The following ROCK1 variants were observed in gnomAD, a reference collection of about 807,000 sequenced individuals.
The protein encoded by ROCK1 is rho-associated protein kinase 1.
A neutral mutation model predicts 196.8 loss-of-function variants in ROCK1; 36 were observed. That is an observed-to-expected ratio of 0.18 (90% confidence interval 0.14 to 0.24). ROCK1 has a LOEUF of 0.24. Among genes scored for constraint, ROCK1 ranks in the 10% least tolerant of loss-of-function variants. ROCK1 has a pLI of 1.00. For missense variants in ROCK1, 920 were observed against 1,562.0 expected (o/e 0.59, Z 6.93); for synonymous variants, 443 against 515.9 (o/e 0.86, Z 1.91).
chr18:21,006,833 A>C (rs2035773054), intron 14 of ROCK1, 43 bp from the exon 15 acceptor site: 1 of 1,270,788 alleles, frequency 7.9e-7, no homozygotes, highest in East Asian at 2.4e-5. Context: ...CAACATTTTC[A>C]TAGGGGAAAC....
intron 11 of ROCK1, among the ~76,000 whole-genome samples, chr18:21,022,803 T>A (rs2035925049): frequency 6.6e-6 from 1 of 152,138 alleles, no homozygotes; most frequent in Non-Finnish European, 1.5e-5. Context: ...ATGTTAATCA[T>A]CCCTTCATTA....
At chr18:20,952,166 T>A (rs1402792555) in intron 32 of ROCK1, among the ~76,000 whole-genome samples, 8 of 152,152 alleles carry the variant, frequency 5.3e-5, no homozygotes, top group African/African-American at 1.7e-4. Context: ...GTGCATCACC[T>A]GAGGTCAGGA....
Position 20,967,830 on chromosome 18 carries a change from T to C in ROCK1, c.3114A>G (p.Gln1038=). The change falls in exon 26 of 33, where the codon CAA becomes CAG. Residue 1038 remains glutamine, a synonymous_variant. Transcript: ENST00000399799. ...TCTCTCTTTCTTGGTTGAGTTCCAG[T>C]TGCAGCTTTCGATTTTCCTTTTCTT... ...RKKEKENRKL[Q]LELNQEREKF... 3 of 1,611,246 alleles carry C rather than the reference T, an allele frequency of 1.9e-6. No individual in the cohort carries two copies. Among genetic ancestry groups the C allele is most frequent in the Non-Finnish European group, 2.5e-6 (3 of 1,178,934 alleles).
At chr18:20,970,077 ATAAC>A (rs2035412135) in intron 23 of ROCK1, 1 of 257,878 alleles carries the variant, frequency 3.9e-6, no homozygotes, top group East Asian at 7.2e-5. Flanking sequence ...CATATGAAAT[ATAAC>A]TAATAAGATC....
chr18:21,024,718 G>A (rs922322367), intron 10 of ROCK1, among the ~76,000 whole-genome samples: 1 of 152,144 alleles, frequency 6.6e-6, no homozygotes, highest in Non-Finnish European at 1.5e-5. Context: ...CAGTACAATG[G>A]TACTATAAAA....
At chr18:21,035,985 T>C (rs868111250) in intron 9 of ROCK1, among the ~76,000 whole-genome samples, 2 of 152,318 alleles carry the variant, frequency 1.3e-5, no homozygotes, top group Middle Eastern at 3.4e-3. Flanking sequence ...GAGGTAATAG[T>C]TTTAAGACAA....
At chr18:21,076,672 T>TACACACAC (rs112541303) in intron 1 of ROCK1, among the ~76,000 whole-genome samples, 20 of 146,268 alleles carry the variant, frequency 1.4e-4, no homozygotes, top group African/African-American at 5.1e-4. Flanking sequence ...TCTTGGTACA[T>TACACACAC]ACACACACAC....
At chr18:21,030,932 T>C (rs112512532) in intron 9 of ROCK1, among the ~76,000 whole-genome samples, 7,702 of 152,094 alleles carry the variant, frequency 0.051, 651 homozygotes, top group African/African-American at 0.18. Context: ...TGGAATCTAA[T>C]AAAAAACTAA....
chr18:21,014,194 T>C (rs1237628378), intron 13 of ROCK1, among the ~76,000 whole-genome samples: 5 of 152,152 alleles, frequency 3.3e-5, no homozygotes, highest in South Asian at 4.1e-4. Flanking sequence ...CTAAGGAAAT[T>C]AGCTTTTTTT....
At chr18:21,085,125 G>C (rs2036515383) in intron 1 of ROCK1, among the ~76,000 whole-genome samples, 1 of 152,082 alleles carries the variant, frequency 6.6e-6, no homozygotes. Context: ...CTGTTTAATG[G>C]ATACAGAGTT....
At chr18:20,968,608 G>T in intron 25 of ROCK1, 164 bp downstream of exon 25, 1 of 570,962 alleles carries the variant, frequency 1.8e-6, no homozygotes. Context: ...GCCTGGCCTT[G>T]AAATTCTATT....
intron 1 of ROCK1, among the ~76,000 whole-genome samples, chr18:21,088,704 A>C (rs1465348272): frequency 6.6e-6 from 1 of 152,140 alleles, no homozygotes; most frequent in African/African-American, 2.4e-5. Context: ...ATGAGGGCAG[A>C]GTCCTTATAA....
At chr18:20,985,305 T>A (rs796952350) in intron 19 of ROCK1, among the ~76,000 whole-genome samples, 9 of 152,362 alleles carry the variant, frequency 5.9e-5, no homozygotes, top group African/African-American at 2.2e-4. Context: ...ATGGCCTTCA[T>A]GATCTGTTCT....
rs1311419152 is a variant in ROCK1, at chr18:20,982,828, A to G, written c.2494T>C (p.Tyr832His). The G allele has an allele frequency of 1.3e-6, 2 of 1,516,154 alleles. No individual in the cohort carries two copies. Among genetic ancestry groups the G allele is most frequent in the Non-Finnish European group, 1.8e-6 (2 of 1,095,154 alleles). The allele number at this position is 1,516,154 out of a possible 1,614,324, so 93.9% of individuals were successfully genotyped here. A position where few individuals can be genotyped will look rare whatever the true frequency, so the allele number is the denominator to read the frequency against. ...CGCATCTGTCCTTCATTTCCTCTAT[A>G]CTGTCTTCAGATGAAAAGAAAAACA... ...EFELAQLTKQ[Y>H]RGNEGQMREL... is the part of the protein sequence containing the mutation. The change falls in exon 21 of 33, where the codon TAT (tyrosine) becomes CAT (histidine). Residue 832 changes from tyrosine to histidine, a missense_variant. Physicochemically the swap from Tyr to His is moderately conservative, Grantham distance 83 (BLOSUM62 2). Around this residue, in one of 6 missense-constraint regions of ROCK1, gnomAD observed 520 missense variants for 657.1 expected, o/e 0.79. Transcript: ENST00000399799.
In ROCK1 at chr18:20,967,867, T is replaced by C; in HGVS notation, c.3077A>G (p.Asp1026Gly). Residue 1026 changes from aspartate (D) to glycine (G), a missense_variant, in exon 26 of 33, where the codon GAT becomes GGT. By Grantham distance (94) the Asp-to-Gly change is moderately conservative. This residue lies in a region of ROCK1 where 116 missense variants were observed against 204.2 expected (regional missense o/e 0.57). Transcript: ENST00000399799. ...ATTTTCCTTTTCTTTCTTTCTCAAA[T>C]CTTGTGTATTAGCTTTCTTTCTATC... ...KIDRKKANTQ[D>G]LRKKEKENRK... 2 of 1,606,108 alleles carry C rather than the reference T, an allele frequency of 1.2e-6. No homozygotes were observed. The highest frequency in any genetic ancestry group is 1.7e-6 in the Non-Finnish European group (2 of 1,174,704).
chr18:20,960,863 C>T (rs1214346390), intron 27 of ROCK1, among the ~76,000 whole-genome samples: 2 of 152,090 alleles, frequency 1.3e-5, no homozygotes, highest in African/African-American at 2.4e-5. Flanking sequence ...AACTCTAGTG[C>T]TAAGTTCAAT....
Position 20,991,270 on chromosome 18 carries a change from C to A in ROCK1, c.2049G>T (p.Arg683=). ...LNYKLKSLQQ[R]LEQEVNEHKV... ...TGTGTTCATTTACCTCTTGTTCTAA[C>A]CGTTGTTGTAATGATTTAAGTTTGT... The change falls in exon 18 of 33, where the codon CGG becomes CGT. Residue 683 remains arginine, a synonymous_variant. Coordinates refer to ENST00000399799, the MANE Select transcript of ROCK1 (RefSeq NM_005406.3). The A allele has an allele frequency of 1.2e-6, 2 of 1,606,776 alleles. No homozygotes were observed. The highest frequency in any genetic ancestry group is 2.2e-5 in the South Asian group (2 of 90,072).
At chr18:20,959,222 T>A (rs1458904276) in intron 29 of ROCK1, among the ~76,000 whole-genome samples, 13 of 90,724 alleles carry the variant, frequency 1.4e-4, no homozygotes, top group African/African-American at 4.7e-4. Context: ...ATATATATTT[T>A]TTTTTTGAGA....
In ROCK1 at chr18:21,042,483, A is replaced by G. The variant is rs1215158493; in HGVS notation, c.820+82T>C. ...AAATAAAATCAAGATTGCTTAATAT[A>G]ATAAATATATTAGAAAGAGCCAAGT... On this transcript the variant is annotated intron_variant, in intron 7 of 32. Coordinates refer to ENST00000399799, the MANE Select transcript of ROCK1 (RefSeq NM_005406.3). 4.4e-6 allele frequency: 6 copies of G among 1,361,592 alleles called. No homozygotes were observed. In the African/African-American group the frequency reaches 7.4e-5, roughly 17 times the overall value. The allele number at this position is 1,361,592 out of a possible 1,614,324, so 84.3% of individuals were successfully genotyped here.
Sources: allele counts gnomAD v4.1 joint callset (sites outside exome capture counted in the v4.1 genomes callset), GRCh38; gene constraint gnomAD v4.1.1; regional missense constraint gnomAD v4.1.1; transcripts MANE v1.5; gene names NCBI Gene and HGNC (gene_info 2026-07-23, HGNC 2026-07-21).